The following ASTN1 variants were observed in gnomAD, a reference collection of about 807,000 sequenced individuals.
ASTN1 encodes astrotactin 1.
Under a neutral mutation model 140.7 loss-of-function variants are expected in ASTN1, and 41 were observed. The ratio of observed to expected loss-of-function variants is 0.29; its 90% CI spans 0.23 to 0.38. The LOEUF is 0.38. Among genes scored for constraint, ASTN1 ranks in the 10% least tolerant of loss-of-function variants. The pLI, the probability that ASTN1 is intolerant of heterozygous loss-of-function variation, is 1.00. For missense variants in ASTN1, 1,479 were observed against 1,678.8 expected (o/e 0.88, Z 2.08); for synonymous variants, 640 against 652.2 (o/e 0.98, Z 0.29).
intron 1 of ASTN1, among the ~76,000 whole-genome samples, chr1:177,096,295 TGGGGGC>T (rs1680022786): frequency 6.6e-6 from 1 of 152,096 alleles, no homozygotes; most frequent in South Asian, 2.1e-4. Context: ...GTTAATACTT[TGGGGGC>T]TATTGGGATG....
chr1:177,026,509 C>T (rs781214558), intron 5 of ASTN1, among the ~76,000 whole-genome samples: 17 of 152,146 alleles, frequency 1.1e-4, no homozygotes, highest in Admixed American at 2.0e-4. Context: ...ATCTTTGTCT[C>T]TTTAGGGTAT....
At chr1:177,155,374 A>T (rs1181101889) in intron 1 of ASTN1, among the ~76,000 whole-genome samples, 3 of 152,098 alleles carry the variant, frequency 2.0e-5, no homozygotes, top group Non-Finnish European at 2.9e-5. Context: ...AAAAGAAATC[A>T]TTTAGGAGAT....
rs78742788 is a variant in ASTN1, at chr1:177,044,176, T to C, written c.472-11327A>G. On this transcript the variant is annotated intron_variant, in intron 2 of 22. Coordinates refer to ENST00000361833, the MANE Select transcript of ASTN1 (RefSeq NM_004319.3). ...TAATTTTAAGAAATGAAAAAAAAAA[T>C]ACACACACACACACACACACACACA... Among the ~76,000 whole-genome samples the C allele has an allele frequency of 2.5e-3, 361 of 143,378 alleles. 1 individual carries two copies. The highest frequency in any genetic ancestry group is 4.2e-3 in the Non-Finnish European group (277 of 65,940). The allele number at this position is 143,378 out of a possible 152,430, so 94.1% of individuals were successfully genotyped here.
chr1:176,931,172 AAACT>A (rs1671190385), intron 16 of ASTN1, among the ~76,000 whole-genome samples: 1 of 152,220 alleles, frequency 6.6e-6, no homozygotes, highest in African/African-American at 2.4e-5. Flanking sequence ...CTGTAAAAAC[AAACT>A]AAGAAAGAAG....
intron 11 of ASTN1, among the ~76,000 whole-genome samples, chr1:176,950,437 T>A (rs923567913): frequency 5.9e-5 from 9 of 152,190 alleles, no homozygotes; most frequent in Non-Finnish European, 1.0e-4. Flanking sequence ...TAGTCACCGT[T>A]TACTGAACAC....
chr1:177,002,065 C>T (rs1261344407), intron 8 of ASTN1, among the ~76,000 whole-genome samples: 1 of 152,092 alleles, frequency 6.6e-6, no homozygotes, highest in Non-Finnish European at 1.5e-5. Context: ...ATTTACAGAC[C>T]CACAGAAGTC....
At chr1:176,979,624 G>A (rs1258584020) in intron 8 of ASTN1, among the ~76,000 whole-genome samples, 2 of 152,134 alleles carry the variant, frequency 1.3e-5, no homozygotes, top group Non-Finnish European at 2.9e-5. Flanking sequence ...GGGACCCTGT[G>A]AGCCTTCTTG....
At chr1:177,004,508 G>C (rs989955507) in intron 8 of ASTN1, among the ~76,000 whole-genome samples, 3 of 151,952 alleles carry the variant, frequency 2.0e-5, no homozygotes, top group African/African-American at 7.3e-5. Context: ...AACAACAAAA[G>C]CCCGAATAGC....
At chr1:176,949,067 A>C in intron 12 of ASTN1, 118 bp downstream of exon 12, 2 of 1,381,796 alleles carry the variant, frequency 1.4e-6, no homozygotes, top group Non-Finnish European at 2.0e-6. Context: ...CTCTTTCCTC[A>C]GAGACTAAGG....
chr1:176,958,801 T>C (rs920955795), intron 9 of ASTN1, among the ~76,000 whole-genome samples: 4 of 152,176 alleles, frequency 2.6e-5, no homozygotes, highest in Non-Finnish European at 5.9e-5. Context: ...TCAGATATAA[T>C]TGGAAGCATT....
intron 8 of ASTN1, among the ~76,000 whole-genome samples, chr1:176,990,562 G>A (rs150982721): frequency 6.6e-6 from 1 of 152,118 alleles, no homozygotes; most frequent in Non-Finnish European, 1.5e-5. Flanking sequence ...GAAGGAAGAG[G>A]CTGGCTGGAT....
At chr1:176,873,318 A>G (rs1173811460) in intron 21 of ASTN1, among the ~76,000 whole-genome samples, 1 of 152,200 alleles carries the variant, frequency 6.6e-6, no homozygotes, top group East Asian at 1.9e-4. Context: ...AAGAGGGTTG[A>G]TCTCATTACT....
At chr1:177,018,659 G>A (rs1675678633) in intron 7 of ASTN1, among the ~76,000 whole-genome samples, 1 of 152,130 alleles carries the variant, frequency 6.6e-6, no homozygotes, top group South Asian at 2.1e-4. Flanking sequence ...GGATTGATGG[G>A]GGCTGTGAAA....
intron 19 of ASTN1, among the ~76,000 whole-genome samples, chr1:176,883,594 G>T (rs1668902663): frequency 6.6e-6 from 1 of 152,170 alleles, no homozygotes; most frequent in Non-Finnish European, 1.5e-5. Context: ...TCAGGCAAAG[G>T]GCCTTGGAAG....
chr1:177,087,658 C>T lies in ASTN1; in HGVS notation c.284-26393G>A, dbSNP rs376454497. Among the ~76,000 whole-genome samples, 53 of 152,314 alleles carry T rather than the reference C, an allele frequency of 3.5e-4. No individual in the cohort carries two copies. In the East Asian group the frequency reaches 4.0e-3, roughly 12 times the overall value. On this transcript the variant is annotated intron_variant, in intron 1 of 22. Coordinates refer to ENST00000361833, the MANE Select transcript of ASTN1 (RefSeq NM_004319.3). ...TCAATGTCCCCGTAGTCTGCTAGTC[C>T]GCAACCGTGTTTCACGCAGACCAAC...
intron 2 of ASTN1, among the ~76,000 whole-genome samples, chr1:177,052,659 A>G (rs1677596161): frequency 6.6e-6 from 1 of 152,140 alleles, no homozygotes; most frequent in South Asian, 2.1e-4. Context: ...TCTTTGCAAT[A>G]TTTGGTCTTC....
chr1:177,006,879 G>T (rs1675025939), intron 8 of ASTN1, among the ~76,000 whole-genome samples: 1 of 152,102 alleles, frequency 6.6e-6, no homozygotes, highest in African/African-American at 2.4e-5. Context: ...TGGGAAAGCG[G>T]GATGCAGAGA....
chr1:176,952,348 A>G (rs1184014321), intron 11 of ASTN1, among the ~76,000 whole-genome samples: 1 of 149,764 alleles, frequency 6.7e-6, no homozygotes, highest in Non-Finnish European at 1.5e-5. Context: ...TAAATATTTT[A>G]GGACAAAACA....
intron 7 of ASTN1, among the ~76,000 whole-genome samples, chr1:177,018,211 C>G (rs1675652226): frequency 1.3e-5 from 2 of 152,066 alleles, no homozygotes; most frequent in South Asian, 4.1e-4. Flanking sequence ...GGAAGTGTGC[C>G]AAAAGAACAT....
Sources: gnomAD v4.1 joint callset for allele counts (sites outside exome capture counted in the v4.1 genomes callset) on GRCh38, gnomAD v4.1.1 for gene constraint, MANE v1.5 for transcripts, NCBI Gene and HGNC (gene_info 2026-07-23, HGNC 2026-07-21) for gene names.